The following GABRA1 variants were observed in gnomAD, a reference collection of about 807,000 sequenced individuals.
GABRA1 encodes the protein gamma-aminobutyric acid receptor subunit alpha-1.
Under a neutral mutation model 48.9 loss-of-function variants are expected in GABRA1, and 9 were observed. That is an observed-to-expected ratio of 0.18 (90% CI 0.11 to 0.32). The LOEUF is 0.32. Among genes scored for constraint, GABRA1 ranks in the 10% least tolerant of loss-of-function variants. The pLI is 1.00. For missense variants in GABRA1, 285 were observed against 553.8 expected (o/e 0.51, Z 4.87); for synonymous variants, 210 against 198.7 (o/e 1.06, Z -0.48).
rs374399356 is a variant in GABRA1 at position 161,854,170 on chromosome 5, G to A, written c.87G>A (p.Pro29=). Reference sequence around the variant, plus strand: ...TGTTTTTTTTCAGCTATGGACAGCCGTCATTACAAGATGAACTTAAAGACA... The same window carrying A: ...TGTTTTTTTTCAGCTATGGACAGCCATCATTACAAGATGAACTTAAAGACA... The part of the protein sequence containing the change: ...STLTGRSYGQ[P]SLQDELKDNT... The change falls in exon 3 of 10, where the codon CCG becomes CCA. Residue 29 remains proline (P), a synonymous_variant. Transcript: ENST00000393943. 58 of 1,591,422 alleles carry A rather than the reference G, an allele frequency of 3.6e-5. No individual in the cohort carries two copies. Among genetic ancestry groups the A allele is most frequent in the Non-Finnish European group, 4.3e-5 (50 of 1,160,224 alleles).
intron 6 of GABRA1, among the ~76,000 whole-genome samples, chr5:161,876,340 A>C (rs964950056): frequency 6.6e-6 from 1 of 152,090 alleles, no homozygotes; most frequent in African/African-American, 2.4e-5. Flanking sequence ...TCTTTTCTTT[A>C]CCCTTCTGCT....
intron 7 of GABRA1, among the ~76,000 whole-genome samples, chr5:161,889,826 T>A (rs1755011085): frequency 1.3e-5 from 2 of 151,970 alleles, no homozygotes; most frequent in South Asian, 4.2e-4. Flanking sequence ...CAATAAATGA[T>A]TATCTGTTCA....
chr5:161,867,147 T>C (rs998956521), intron 4 of GABRA1, among the ~76,000 whole-genome samples: 7 of 152,196 alleles, frequency 4.6e-5, no homozygotes, highest in African/African-American at 1.7e-4. Flanking sequence ...GGTCAGTCTG[T>C]AGACCACTTT....
chr5:161,856,341 A>G (rs949070483), intron 3 of GABRA1, among the ~76,000 whole-genome samples: 11 of 151,464 alleles, frequency 7.3e-5, no homozygotes, highest in Admixed American at 2.6e-4. Flanking sequence ...AATAACAAAA[A>G]TAGATATGTA....
intron 1 of GABRA1, among the ~76,000 whole-genome samples, chr5:161,849,650 A>T (rs1757359855): frequency 1.3e-5 from 2 of 152,236 alleles, no homozygotes; most frequent in Non-Finnish European, 2.9e-5. Context: ...TAGAGGGTTT[A>T]ATGAAAAAGA....
intron 7 of GABRA1, among the ~76,000 whole-genome samples, 155 bp from the exon 8 acceptor site, chr5:161,890,743 A>T (rs1755051878): frequency 6.6e-6 from 1 of 152,062 alleles, no homozygotes; most frequent in Admixed American, 6.6e-5. Flanking sequence ...TGTCTCTTTT[A>T]TTTTCTGGAT....
chr5:161,867,953 T>C (rs1181190048), intron 4 of GABRA1, among the ~76,000 whole-genome samples: 1 of 152,116 alleles, frequency 6.6e-6, no homozygotes, highest in Non-Finnish European at 1.5e-5. Flanking sequence ...AAGGCACATG[T>C]GTTTCACATC....
chr5:161,850,477 C>T, intron 1 of GABRA1: 1 of 487,564 alleles, frequency 2.1e-6, no homozygotes, highest in South Asian at 4.4e-5. Context: ...GAGAATAAAC[C>T]AAACTATATT....
Position 161,854,169 on chromosome 5 carries a change from C to A in GABRA1, c.86C>A (p.Pro29Gln). ...ATGTTTTTTTTCAGCTATGGACAGC[C>A]GTCATTACAAGATGAACTTAAAGAC... ...STLTGRSYGQ[P>Q]SLQDELKDNT... Residue 29 changes from proline to glutamine, a missense_variant, in exon 3 of 10, where the codon CCG (proline) becomes CAG (glutamine). Coordinates refer to ENST00000393943, the MANE Select transcript of GABRA1 (RefSeq NM_001127644.2). 1 of 1,585,164 alleles carries A rather than the reference C, an allele frequency of 6.3e-7. No individual in the cohort carries two copies. Among genetic ancestry groups the A allele is most frequent in the Non-Finnish European group, 8.7e-7 (1 of 1,154,854 alleles).
intron 9 of GABRA1, among the ~76,000 whole-genome samples, chr5:161,896,351 A>G (rs1051798087): frequency 1.3e-5 from 2 of 152,212 alleles, no homozygotes; most frequent in African/African-American, 4.8e-5. Flanking sequence ...TGCAAAGTCA[A>G]GGGCAGGCAC....
intron 7 of GABRA1, 100 bp downstream of exon 7, chr5:161,882,801 A>G: frequency 1.1e-5 from 13 of 1,194,662 alleles, no homozygotes; most frequent in Non-Finnish European, 1.6e-5. Flanking sequence ...AGGAGAGAGA[A>G]CATTTCACTA....
At chr5:161,870,567 A>G (rs1274113462) in intron 4 of GABRA1, among the ~76,000 whole-genome samples, 2 of 148,828 alleles carry the variant, frequency 1.3e-5, no homozygotes, top group African/African-American at 2.5e-5. Flanking sequence ...AAACTCCTTC[A>G]GAAAAAAAAA....
chr5:161,896,437 G>C (rs1471154006), intron 9 of GABRA1, among the ~76,000 whole-genome samples: 1 of 152,110 alleles, frequency 6.6e-6, no homozygotes, highest in African/African-American at 2.4e-5. Flanking sequence ...CCTCATGGTA[G>C]AAAATGTTCA....
chr5:161,867,016 A>G (rs908495754), intron 4 of GABRA1, among the ~76,000 whole-genome samples: 3 of 152,172 alleles, frequency 2.0e-5, no homozygotes, highest in Non-Finnish European at 4.4e-5. Context: ...TTCTTCATGT[A>G]TAAGGTGGGA....
Position 161,865,764 on chromosome 5 carries a change from C to T in GABRA1, c.231C>T (p.Phe77=), listed in dbSNP as rs566224462. Residue 77 remains phenylalanine, a synonymous_variant, in exon 4 of 10, where the codon TTC becomes TTT. Transcript: ENST00000393943. The stretch of plus-strand genomic sequence containing the variant: ...AGACTGATATCTTCGTCACCAGTTT[C>T]GGACCCGTTTCAGACCATGATATGG... The part of the protein sequence containing the change: ...EVKTDIFVTS[F]GPVSDHDMEY... The T allele has an allele frequency of 3.8e-5, 62 of 1,612,888 alleles. 1 individual carries two copies. Among genetic ancestry groups the T allele is most frequent in the African/African-American group, 3.3e-4 (25 of 74,948 alleles).
rs1755349260 is a variant in GABRA1 at position 161,895,976 on chromosome 5, G to A, written c.1059+108G>A. On this transcript the variant is annotated intron_variant, in intron 9 of 9. Coordinates refer to ENST00000393943, the MANE Select transcript of GABRA1 (RefSeq NM_001127644.2). ...TGGATGGAGTATGCAGAATAATAAG[G>A]ATTCTTTTTTTCTTATGTCGTAAAC... 5.3e-6 allele frequency: 5 copies of A among 947,856 alleles called. No individual in the cohort carries two copies. In the South Asian group the frequency reaches 6.6e-5, roughly 13 times the overall value. The allele number at this position is 947,856 out of a possible 1,614,324, so 58.7% of individuals were successfully genotyped here.
chr5:161,888,933 A>T (rs1281283629), intron 7 of GABRA1, among the ~76,000 whole-genome samples: 1 of 152,058 alleles, frequency 6.6e-6, no homozygotes, highest in Non-Finnish European at 1.5e-5. Context: ...TGAAGGTATT[A>T]AATACTGAGG....
chr5:161,889,911 A>T (rs1399440511), intron 7 of GABRA1, among the ~76,000 whole-genome samples: 1 of 152,062 alleles, frequency 6.6e-6, no homozygotes, highest in African/African-American at 2.4e-5. Flanking sequence ...TTAAGTTAAA[A>T]AAAAAGAGTG....
At chr5:161,854,351 T>C in intron 3 of GABRA1, 81 bp downstream of exon 3, 3 of 792,506 alleles carry the variant, frequency 3.8e-6, no homozygotes, top group East Asian at 2.5e-5. Context: ...CTCTAAATGG[T>C]CAAATAATAA....
Sources: gnomAD v4.1 joint callset for allele counts (sites outside exome capture counted in the v4.1 genomes callset) on GRCh38, gnomAD v4.1.1 for gene constraint, MANE v1.5 for transcripts, NCBI Gene and HGNC (gene_info 2026-07-23, HGNC 2026-07-21) for gene names.